C1orf21: variants seen among roughly 807,000 people sequenced by gnomAD.
C1orf21 encodes uncharacterized protein C1orf21.
Under a neutral mutation model 18.7 loss-of-function variants are expected in C1orf21, and 3 were observed. The observed-to-expected ratio is 0.16, with a 90% CI of 0.07 to 0.42. The LOEUF is 0.42. Among genes scored for constraint, C1orf21 ranks in the 10% least tolerant of loss-of-function variants. The pLI is 0.99. For synonymous variants in C1orf21, 41 were observed against 46.4 expected, an observed-to-expected ratio of 0.88 and a Z score of 0.47; for missense variants, 104 against 143.6, an observed-to-expected ratio of 0.72 and a Z score of 1.41.
chr1:184,543,493 T>C (rs1658687888), intron 3 of C1orf21, among the ~76,000 whole-genome samples: 1 of 152,258 alleles, frequency 6.6e-6, no homozygotes, highest in African/African-American at 2.4e-5. Flanking sequence ...TGTTTATTTA[T>C]GTGATTAAAG....
intron 4 of C1orf21, among the ~76,000 whole-genome samples, chr1:184,594,402 A>G (rs979816507): frequency 6.6e-5 from 10 of 152,330 alleles, no homozygotes; most frequent in Admixed American, 2.0e-4. Context: ...AGGAGAAAAG[A>G]TATCAATTTC....
intron 3 of C1orf21, among the ~76,000 whole-genome samples, chr1:184,583,084 C>A (rs533076934): frequency 1.4e-4 from 22 of 152,160 alleles, no homozygotes; most frequent in Non-Finnish European, 3.2e-4. Flanking sequence ...GGTGATCCGC[C>A]CGCCTCGGCC....
At chr1:184,530,707 CT>C (rs1369605734) in intron 3 of C1orf21, among the ~76,000 whole-genome samples, 15 of 148,310 alleles carry the variant, frequency 1.0e-4, no homozygotes, top group South Asian at 8.6e-4. Context: ...ACACTTATGA[CT>C]TTTTTTTCCT....
intron 1 of C1orf21, among the ~76,000 whole-genome samples, chr1:184,398,270 G>A (rs147917649): frequency 1.3e-5 from 2 of 152,302 alleles, no homozygotes; most frequent in African/African-American, 4.8e-5. Context: ...GCAACTCTAT[G>A]AGGAACCCAC....
intron 1 of C1orf21, among the ~76,000 whole-genome samples, chr1:184,475,793 G>A (rs1489865326): frequency 6.7e-6 from 1 of 150,264 alleles, no homozygotes; most frequent in Admixed American, 6.7e-5. Flanking sequence ...CCATCCACAG[G>A]CCTGGATTTC....
chr1:184,555,496 G>A (rs1053477399), intron 3 of C1orf21, among the ~76,000 whole-genome samples: 5 of 152,076 alleles, frequency 3.3e-5, no homozygotes, highest in African/African-American at 1.2e-4. Context: ...CTGTAAAACT[G>A]TGCTGTGATG....
Position 184,583,795 on chromosome 1 carries a change from C to T in C1orf21, c.190-6944C>T, listed in dbSNP as rs925957946. Reference sequence around the variant, plus strand: ...TCAAGTGTGGATGGCTGATGAAAAACGAACTGCCTGTGGAGACCCTGTCAA... The same window carrying T: ...TCAAGTGTGGATGGCTGATGAAAAATGAACTGCCTGTGGAGACCCTGTCAA... On this transcript the variant is annotated intron_variant, in intron 3 of 5. Transcript: ENST00000235307. Among the ~76,000 whole-genome samples the T allele has an allele frequency of 1.1e-4, 16 of 152,254 alleles. No individual in the cohort carries two copies. The East Asian group carries it at 3.1e-3, about 29-fold the overall frequency.
chr1:184,505,728 A>T (rs1341574060), intron 2 of C1orf21, among the ~76,000 whole-genome samples: 1 of 151,962 alleles, frequency 6.6e-6, no homozygotes, highest in Non-Finnish European at 1.5e-5. Context: ...ACACCATCAC[A>T]CTCCAGCCTG....
chr1:184,460,640 CTTCT>C (rs1657290581), intron 1 of C1orf21, among the ~76,000 whole-genome samples: 1 of 138,242 alleles, frequency 7.2e-6, no homozygotes, highest in Non-Finnish European at 1.6e-5. Flanking sequence ...TCTTCTTCTT[CTTCT>C]TCTTCTTCTT....
At chr1:184,463,312 CT>C (rs1657336632) in intron 1 of C1orf21, among the ~76,000 whole-genome samples, 1 of 151,914 alleles carries the variant, frequency 6.6e-6, no homozygotes, top group Admixed American at 6.6e-5. Flanking sequence ...CTTTTTACTC[CT>C]TTTCTACTAA....
At chr1:184,601,042 A>G (rs1659578169) in intron 5 of C1orf21, among the ~76,000 whole-genome samples, 1 of 152,220 alleles carries the variant, frequency 6.6e-6, no homozygotes, top group South Asian at 2.1e-4. Context: ...TATTTGGTCC[A>G]GGCTAGCATG....
chr1:184,464,656 GA>G (rs1342722662), intron 1 of C1orf21, among the ~76,000 whole-genome samples: 1 of 152,214 alleles, frequency 6.6e-6, no homozygotes, highest in African/African-American at 2.4e-5. Flanking sequence ...CTCATAGTAA[GA>G]GTTTAGGAAA....
chr1:184,400,849 A>G (rs1025461164), intron 1 of C1orf21, among the ~76,000 whole-genome samples: 4 of 152,224 alleles, frequency 2.6e-5, no homozygotes, highest in Non-Finnish European at 4.4e-5. Flanking sequence ...TCTTTAAAAT[A>G]GATTCCTAGA....
intron 3 of C1orf21, among the ~76,000 whole-genome samples, chr1:184,544,625 G>A (rs554609888): frequency 5.3e-5 from 8 of 152,132 alleles, no homozygotes; most frequent in Non-Finnish European, 8.8e-5. Context: ...TTCACCATAC[G>A]TGATGTATTA....
intron 1 of C1orf21, among the ~76,000 whole-genome samples, chr1:184,437,565 G>A (rs1656877948): frequency 6.6e-6 from 1 of 152,082 alleles, no homozygotes; most frequent in Non-Finnish European, 1.5e-5. Context: ...TTGTTTGTGT[G>A]CTTGCTGGGT....
chr1:184,451,317 G>A (rs1657116226), intron 1 of C1orf21, among the ~76,000 whole-genome samples: 1 of 151,592 alleles, frequency 6.6e-6, no homozygotes, highest in African/African-American at 2.4e-5. Flanking sequence ...TCGGGACAAG[G>A]TCTCACTCCA....
chr1:184,433,030 T>A (rs1324164459), intron 1 of C1orf21, among the ~76,000 whole-genome samples: 4 of 152,080 alleles, frequency 2.6e-5, no homozygotes, highest in African/African-American at 9.7e-5. Flanking sequence ...TCCCCTTAGG[T>A]TTGTAGGGTG....
At chr1:184,580,778 T>G (rs1659264572) in intron 3 of C1orf21, among the ~76,000 whole-genome samples, 1 of 152,254 alleles carries the variant, frequency 6.6e-6, no homozygotes, top group Non-Finnish European at 1.5e-5. Context: ...ACTGATATCT[T>G]ATCCTTAGTG....
At chr1:184,500,379 C>T (rs1346641472) in intron 2 of C1orf21, among the ~76,000 whole-genome samples, 1 of 152,190 alleles carries the variant, frequency 6.6e-6, no homozygotes, top group Non-Finnish European at 1.5e-5. Context: ...CCTGCAGGTC[C>T]TGGACCTCTT....
Sources: allele counts gnomAD v4.1 joint callset (sites outside exome capture counted in the v4.1 genomes callset), GRCh38; gene constraint gnomAD v4.1.1; transcripts MANE v1.5; gene names NCBI Gene and HGNC (gene_info 2026-07-23, HGNC 2026-07-21).